LOC128125817: variants seen among roughly 807,000 people sequenced by gnomAD.
the LOC128125817 span, among the ~76,000 whole-genome samples, chr1:41,623,381 C>T: frequency 2.0e-5 from 3 of 152,216 alleles, no homozygotes; most frequent in Non-Finnish European, 4.4e-5. Flanking sequence ...AGAGAGAGCA[C>T]TAAGCTTAGC....
chr1:41,625,593 G>A, the LOC128125817 span, among the ~76,000 whole-genome samples: 1 of 152,188 alleles, frequency 6.6e-6, no homozygotes, highest in Admixed American at 6.5e-5. Flanking sequence ...TAGACAGCCA[G>A]GTGTGGTGGT....
At chr1:41,595,918 T>A in the LOC128125817 span, among the ~76,000 whole-genome samples, 1 of 152,172 alleles carries the variant, frequency 6.6e-6, no homozygotes, top group Non-Finnish European at 1.5e-5. Flanking sequence ...CACCTTGTGA[T>A]TGTGTGAGTC....
the LOC128125817 span, among the ~76,000 whole-genome samples, chr1:41,591,081 A>C: frequency 6.6e-6 from 1 of 152,166 alleles, no homozygotes; most frequent in African/African-American, 2.4e-5. Context: ...AATAATCATC[A>C]TTGCTATTGG....
chr1:41,591,095 A>C, the LOC128125817 span, among the ~76,000 whole-genome samples: 1 of 152,198 alleles, frequency 6.6e-6, no homozygotes, highest in African/African-American at 2.4e-5. Context: ...CTATTGGAGA[A>C]AGCATTTCTG....
At chr1:41,600,048 C>CA in the LOC128125817 span, among the ~76,000 whole-genome samples, 71 of 151,418 alleles carry the variant, frequency 4.7e-4, no homozygotes, top group Admixed American at 1.6e-3. Context: ...ATGGCTACAA[C>CA]AAAAAAAAGA....
the LOC128125817 span, among the ~76,000 whole-genome samples, chr1:41,594,464 C>T: frequency 1.3e-5 from 2 of 152,182 alleles, no homozygotes; most frequent in South Asian, 2.1e-4. Context: ...CTCAAGTGAT[C>T]CCCTGCCTCA....
At chr1:41,623,795 C>A in the LOC128125817 span, among the ~76,000 whole-genome samples, 1 of 152,242 alleles carries the variant, frequency 6.6e-6, no homozygotes. Context: ...CTGTGCCAGC[C>A]CTGGTTTGGC....
chr1:41,604,817 G>T, the LOC128125817 span, among the ~76,000 whole-genome samples: 1 of 152,114 alleles, frequency 6.6e-6, no homozygotes, highest in African/African-American at 2.4e-5. Flanking sequence ...TTAGAAAATA[G>T]GATAGCCCAG....
At chr1:41,604,536 T>C in the LOC128125817 span, among the ~76,000 whole-genome samples, 1 of 152,170 alleles carries the variant, frequency 6.6e-6, no homozygotes, top group African/African-American at 2.4e-5. Context: ...GTGAATGGGA[T>C]TAGGTGTCTC....
At chr1:41,608,888 T>G in the LOC128125817 span, among the ~76,000 whole-genome samples, 1 of 144,072 alleles carries the variant, frequency 6.9e-6, no homozygotes, top group South Asian at 2.2e-4. Context: ...CCTGACCACA[T>G]GGTGAAACCC....
the LOC128125817 span, among the ~76,000 whole-genome samples, chr1:41,596,203 T>G: frequency 3.3e-5 from 5 of 152,154 alleles, no homozygotes; most frequent in Admixed American, 3.3e-4. Context: ...GCAGATCTTC[T>G]AACAGAGCTG....
the LOC128125817 span, among the ~76,000 whole-genome samples, chr1:41,615,418 C>T: frequency 2.0e-5 from 3 of 152,232 alleles, no homozygotes; most frequent in African/African-American, 7.2e-5. Context: ...CATCACACCA[C>T]GCAAGCTTAG....
the LOC128125817 span, among the ~76,000 whole-genome samples, chr1:41,585,839 G>A: frequency 6.6e-6 from 1 of 152,174 alleles, no homozygotes; most frequent in Non-Finnish European, 1.5e-5. Context: ...GGAGGGAAGT[G>A]CCTGTGGTTT....
chr1:41,624,161 A>G, the LOC128125817 span, among the ~76,000 whole-genome samples: 4 of 151,550 alleles, frequency 2.6e-5, no homozygotes, highest in African/African-American at 7.3e-5. Flanking sequence ...TCCCCTCCCC[A>G]TCTCTCCTCC....
the LOC128125817 span, among the ~76,000 whole-genome samples, chr1:41,585,620 G>T: frequency 6.6e-6 from 1 of 152,208 alleles, no homozygotes; most frequent in Non-Finnish European, 1.5e-5. Flanking sequence ...TCTGGGAACT[G>T]CAGGGTGGTT....
chr1:41,625,726 C>T, the LOC128125817 span, among the ~76,000 whole-genome samples: 5 of 151,882 alleles, frequency 3.3e-5, no homozygotes, highest in African/African-American at 1.2e-4. Flanking sequence ...CAGAGCAAGA[C>T]AGTATATATC....
the LOC128125817 span, among the ~76,000 whole-genome samples, chr1:41,625,293 G>C: frequency 6.6e-6 from 1 of 152,034 alleles, no homozygotes; most frequent in Non-Finnish European, 1.5e-5. Context: ...GATGATCTAG[G>C]GCAGAGGTCA....
chr1:41,625,162 C>CAAAAAAAAAAA, the LOC128125817 span, among the ~76,000 whole-genome samples: 1 of 71,230 alleles, frequency 1.4e-5, no homozygotes, highest in Non-Finnish European at 2.5e-5. Flanking sequence ...GATTCCAACT[C>CAAAAAAAAAAA]AAAAAAAAAA....
At chr1:41,625,955 A>G in the LOC128125817 span, among the ~76,000 whole-genome samples, 708 of 152,364 alleles carry the variant, frequency 4.6e-3, 2 homozygotes, top group African/African-American at 0.016. Context: ...TTCTAAGACT[A>G]TAAAAGTTTG....
Sources: allele counts gnomAD v4.1 joint callset (sites outside exome capture counted in the v4.1 genomes callset), GRCh38; gene constraint gnomAD v4.1.1; transcripts MANE v1.5.